The following FBXL13 variants were observed in gnomAD, a reference collection of about 807,000 sequenced individuals.
FBXL13 encodes F-box and leucine rich repeat protein 13, also known as F-box and leucine-rich repeat protein 13.
In FBXL13, 67 loss-of-function variants were observed where a neutral mutation model predicts 83.6. The ratio of observed to expected loss-of-function variants is 0.80; its 90% CI spans 0.66 to 0.98. The LOEUF (loss-of-function observed/expected upper bound fraction) is 0.98, where lower values mean the gene tolerates loss of function less well. FBXL13 is among the 50% of genes least tolerant of loss of function. The pLI, the probability that FBXL13 is intolerant of heterozygous loss-of-function variation, is 0.00. For missense variants in FBXL13, 822 were observed against 866.5 expected, an observed-to-expected ratio of 0.95 and a Z score of 0.64; for synonymous variants, 272 against 299.5, an observed-to-expected ratio of 0.91 and a Z score of 0.95.
intron 9 of FBXL13, among the ~76,000 whole-genome samples, chr7:102,931,522 T>C (rs1819169934): frequency 6.6e-6 from 1 of 152,208 alleles, no homozygotes; most frequent in Non-Finnish European, 1.5e-5. Flanking sequence ...ACATATTCAT[T>C]TCCATCTTCT....
intron 11 of FBXL13, among the ~76,000 whole-genome samples, chr7:102,910,996 A>T (rs539345765): frequency 6.6e-6 from 1 of 152,158 alleles, no homozygotes; most frequent in Non-Finnish European, 1.5e-5. Flanking sequence ...CCTGGCCTCA[A>T]GTAATCCTTC....
At chr7:102,942,899 TGTGA>T (rs1585061273) in intron 8 of FBXL13, among the ~76,000 whole-genome samples, 1 of 152,198 alleles carries the variant, frequency 6.6e-6, no homozygotes, top group East Asian at 1.9e-4. Flanking sequence ...ACAAAATATT[TGTGA>T]GTATTTCTGG....
chr7:102,886,709 T>G (rs1416085319), intron 11 of FBXL13, among the ~76,000 whole-genome samples: 1 of 152,218 alleles, frequency 6.6e-6, no homozygotes, highest in Non-Finnish European at 1.5e-5. Context: ...GAGGAATGTA[T>G]GAATGGCTTC....
At chr7:102,867,695 ATTTTTTTTTTTTT>A (rs1205859622) in intron 16 of FBXL13, among the ~76,000 whole-genome samples, 1 of 49,064 alleles carries the variant, frequency 2.0e-5, no homozygotes, top group African/African-American at 1.2e-4. Flanking sequence ...ATATATATAT[ATTTTTTTTTTTTT>A]TTTTTTTTTT....
chr7:102,877,399 TA>T, intron 16 of FBXL13, 67 bp downstream of exon 17: 8 of 1,297,288 alleles, frequency 6.2e-6, no homozygotes, highest in Non-Finnish European at 7.3e-6. Context: ...CTCCATTATT[TA>T]CAAAATAGCA....
chr7:102,927,365 T>C (rs1818336429), intron 9 of FBXL13, among the ~76,000 whole-genome samples: 1 of 152,154 alleles, frequency 6.6e-6, no homozygotes, highest in Non-Finnish European at 1.5e-5. Flanking sequence ...GGTAAATCAT[T>C]ACTAGGCTAG....
intron 17 of FBXL13, among the ~76,000 whole-genome samples, chr7:102,844,283 A>G (rs1803541556): frequency 6.6e-6 from 1 of 152,254 alleles, no homozygotes; most frequent in Admixed American, 6.5e-5. Context: ...AACAATGACG[A>G]TTATCGAAGT....
intron 14 of FBXL13, among the ~76,000 whole-genome samples, chr7:102,879,808 A>G (rs1331146363): frequency 6.6e-6 from 1 of 151,998 alleles, no homozygotes; most frequent in Non-Finnish European, 1.5e-5. Flanking sequence ...CTGGGTTCAC[A>G]CCATTCTCCT....
chr7:103,033,149 A>G (rs900232289), intron 2 of FBXL13, among the ~76,000 whole-genome samples: 3 of 152,130 alleles, frequency 2.0e-5, no homozygotes, highest in African/African-American at 7.3e-5. Flanking sequence ...AGACTAAGAA[A>G]GGTTTTTTTG....
chr7:103,020,870 G>A (rs1793075123), intron 6 of FBXL13, among the ~76,000 whole-genome samples: 2 of 152,142 alleles, frequency 1.3e-5, no homozygotes. Flanking sequence ...CATGCTCATG[G>A]ATAGGAAGAA....
chr7:102,822,510 G>A (rs1562903675), intron 18 of FBXL13: 6 of 519,406 alleles, frequency 1.2e-5, no homozygotes, highest in South Asian at 4.6e-5. Flanking sequence ...CCCATCATGG[G>A]AGCTCTACCC....
intron 17 of FBXL13, among the ~76,000 whole-genome samples, chr7:102,838,745 G>C (rs534166681): frequency 1.3e-5 from 2 of 152,158 alleles, no homozygotes; most frequent in Non-Finnish European, 2.9e-5. Context: ...GCAGTATGCT[G>C]GGTAAAAGTC....
intron 2 of FBXL13, among the ~76,000 whole-genome samples, chr7:103,041,358 A>C (rs1795672360): frequency 6.6e-6 from 1 of 152,190 alleles, no homozygotes. Context: ...AAAGACCAGG[A>C]CCAGACGGAT....
intron 1 of FBXL13, among the ~76,000 whole-genome samples, chr7:103,071,243 T>C (rs74566542): frequency 0.014 from 2,115 of 151,990 alleles, 48 homozygotes; most frequent in African/African-American, 0.048. Flanking sequence ...ATATGTACGA[T>C]TGGAGTTCCA....
intron 2 of FBXL13, among the ~76,000 whole-genome samples, chr7:103,044,236 G>T (rs765669083): frequency 6.6e-6 from 1 of 152,082 alleles, no homozygotes; most frequent in Non-Finnish European, 1.5e-5. Flanking sequence ...TAAATAAGTC[G>T]CATGCAGAAA....
At chr7:102,927,706 A>G (rs1029647207) in intron 9 of FBXL13, among the ~76,000 whole-genome samples, 1 of 152,182 alleles carries the variant, frequency 6.6e-6, no homozygotes, top group African/African-American at 2.4e-5. Context: ...AGCTTTTGAT[A>G]AACACTACTC....
At chr7:102,833,436 C>CTTTT (rs763657766) in intron 17 of FBXL13, among the ~76,000 whole-genome samples, 1 of 134,616 alleles carries the variant, frequency 7.4e-6, no homozygotes, top group Non-Finnish European at 1.6e-5. Flanking sequence ...AGCCTGTTTC[C>CTTTT]TTTTTTTTTT....
In FBXL13 at chr7:103,061,307, G is replaced by A. The variant is rs1346987959; in HGVS notation, c.-104-5560C>T. On this transcript the variant is annotated intron_variant, in intron 1 of 19. Coordinates refer to ENST00000313221, the Ensembl canonical transcript of FBXL13. ...GAGACAAAGGACTCTGATACCTGCC[G>A]GACTGGGCCTGTCCCAGAGGGGAAG... is the stretch of plus-strand genomic sequence containing the variant. 3.3e-5 allele frequency among the ~76,000 whole-genome samples: 5 copies of A among 152,096 alleles called. No individual in the cohort carries two copies. The East Asian group carries it at 5.8e-4, about 18-fold the overall frequency.
intron 2 of FBXL13, among the ~76,000 whole-genome samples, chr7:103,049,550 G>C (rs1796602916): frequency 6.6e-6 from 1 of 152,168 alleles, no homozygotes; most frequent in Non-Finnish European, 1.5e-5. Context: ...TACAGTAGTT[G>C]TAAGATTTTC....
Sources: gnomAD v4.1 joint callset for allele counts (sites outside exome capture counted in the v4.1 genomes callset) on GRCh38, gnomAD v4.1.1 for gene constraint, MANE v1.5 for transcripts, NCBI Gene and HGNC (gene_info 2026-07-23, HGNC 2026-07-21) for gene names.